Variants in EYA4 observed in about 807,000 individuals in gnomAD.
EYA4 encodes EYA transcriptional coactivator and phosphatase 4, also known as protein phosphatase EYA4.
A neutral mutation model predicts 87.9 loss-of-function variants in EYA4; 31 were observed. The observed-to-expected ratio is 0.35, with a 90% CI of 0.27 to 0.48. EYA4 has a LOEUF of 0.48. EYA4 is among the 20% of genes least tolerant of loss of function. EYA4 has a pLI of 0.99. For missense variants in EYA4, 678 were observed against 761.4 expected (o/e 0.89, Z 1.29); for synonymous variants, 263 against 270.6 (o/e 0.97, Z 0.28).
intron 1 of EYA4, among the ~76,000 whole-genome samples, chr6:133,260,009 A>G (rs537275114): frequency 8.8e-4 from 134 of 152,258 alleles, no homozygotes; most frequent in African/African-American, 2.9e-3. Flanking sequence ...GTTTCTTGTA[A>G]AAAAATTCAG....
At chr6:133,525,126 T>C in intron 18 of EYA4, 28 bp from the exon 19 acceptor site, 1 of 1,613,648 alleles carries the variant, frequency 6.2e-7, no homozygotes, top group Non-Finnish European at 8.5e-7. Flanking sequence ...GTAACTTCAC[T>C]CTGAACTTTA....
At chr6:133,368,731 G>A (rs1485814898) in intron 2 of EYA4, among the ~76,000 whole-genome samples, 1 of 152,124 alleles carries the variant, frequency 6.6e-6, no homozygotes, top group Admixed American at 6.6e-5. Flanking sequence ...TATCATAGTG[G>A]CATCAAAACC....
intron 1 of EYA4, among the ~76,000 whole-genome samples, chr6:133,262,294 C>G (rs1390324517): frequency 6.6e-6 from 1 of 152,234 alleles, no homozygotes; most frequent in Non-Finnish European, 1.5e-5. Context: ...CAAATATATT[C>G]TCTTCTGACA....
chr6:133,310,948 G>A lies in EYA4; in HGVS notation c.33+36135G>A, dbSNP rs547088078. On this transcript the variant is annotated intron_variant, in intron 2 of 19. Transcript: ENST00000355286. Reference sequence around the variant, plus strand: ...TTGTTTAGTTTCCATTTTTTAGAATGTTTCTTTTGATGATCCTGTAACTCT... The same window carrying A: ...TTGTTTAGTTTCCATTTTTTAGAATATTTCTTTTGATGATCCTGTAACTCT... Among the ~76,000 whole-genome samples the A allele has an allele frequency of 2.6e-5, 4 of 152,234 alleles. No individual in the cohort carries two copies. The East Asian group carries it at 7.7e-4, about 29-fold the overall frequency.
At chr6:133,272,004 C>T (rs958116582) in intron 1 of EYA4, among the ~76,000 whole-genome samples, 4 of 152,174 alleles carry the variant, frequency 2.6e-5, no homozygotes, top group Admixed American at 2.6e-4. Flanking sequence ...AATCTCTGAC[C>T]ATCCAGCCAA....
intron 17 of EYA4, among the ~76,000 whole-genome samples, chr6:133,518,081 G>A (rs1366889328): frequency 1.3e-5 from 2 of 152,110 alleles, no homozygotes; most frequent in East Asian, 1.9e-4. Context: ...TGTCAGGGAC[G>A]CTGGAGCACG....
chr6:133,496,647 T>C (rs1376710474), intron 13 of EYA4, among the ~76,000 whole-genome samples: 1 of 6,142 alleles, frequency 1.6e-4, no homozygotes, highest in Non-Finnish European at 3.2e-4. Context: ...AAGGGCAAAC[T>C]GACCTCTGAG....
chr6:133,443,717 C>A (rs1451016640), intron 3 of EYA4, among the ~76,000 whole-genome samples: 1 of 151,988 alleles, frequency 6.6e-6, no homozygotes, highest in East Asian at 1.9e-4. Context: ...TTGATCTTTT[C>A]ATTATCATTT....
At chr6:133,314,510 G>T (rs1780476585) in intron 2 of EYA4, among the ~76,000 whole-genome samples, 1 of 152,094 alleles carries the variant, frequency 6.6e-6, no homozygotes, top group African/African-American at 2.4e-5. Context: ...TGTAATTTGT[G>T]TGAAAACATC....
intron 3 of EYA4, among the ~76,000 whole-genome samples, chr6:133,427,160 G>A (rs190268003): frequency 1.3e-5 from 2 of 152,278 alleles, no homozygotes; most frequent in East Asian, 1.9e-4. Context: ...CGGAAGAAAA[G>A]CACTTTGAAG....
At chr6:133,351,679 C>G (rs1783651622) in intron 2 of EYA4, among the ~76,000 whole-genome samples, 1 of 152,184 alleles carries the variant, frequency 6.6e-6, no homozygotes, top group South Asian at 2.1e-4. Flanking sequence ...AACCATTTCA[C>G]TTATTTCTCT....
intron 3 of EYA4, among the ~76,000 whole-genome samples, chr6:133,421,206 A>G (rs1467194563): frequency 6.6e-6 from 1 of 152,202 alleles, no homozygotes; most frequent in Non-Finnish European, 1.5e-5. Flanking sequence ...CAAAGTGTGC[A>G]GAAAGAACCA....
intron 11 of EYA4, among the ~76,000 whole-genome samples, chr6:133,481,233 G>T (rs1562470605): frequency 6.6e-6 from 1 of 152,094 alleles, no homozygotes; most frequent in Non-Finnish European, 1.5e-5. Context: ...GAAGGCGTAT[G>T]GTGTAGAAAA....
chr6:133,326,790 A>T (rs931413844), intron 2 of EYA4, among the ~76,000 whole-genome samples: 3 of 152,160 alleles, frequency 2.0e-5, no homozygotes, highest in Non-Finnish European at 4.4e-5. Context: ...GCAGATTGCC[A>T]TCAACTGACT....
At chr6:133,287,521 T>G (rs1162894139) in intron 2 of EYA4, among the ~76,000 whole-genome samples, 1 of 148,778 alleles carries the variant, frequency 6.7e-6, no homozygotes, top group African/African-American at 2.4e-5. Flanking sequence ...GTGGGAAATC[T>G]GGCTGAGAAG....
chr6:133,332,809 G>A (rs1439015288), intron 2 of EYA4, among the ~76,000 whole-genome samples: 4 of 147,326 alleles, frequency 2.7e-5, no homozygotes, highest in East Asian at 2.0e-4. Context: ...TGATCCGCCC[G>A]CGTTGGCCTC....
At chr6:133,335,771 G>A (rs1035787991) in intron 2 of EYA4, among the ~76,000 whole-genome samples, 1 of 152,138 alleles carries the variant, frequency 6.6e-6, no homozygotes, top group African/African-American at 2.4e-5. Context: ...TTTGGGTGCA[G>A]TAAAGCTGTG....
rs77505359 is a variant in EYA4 at position 133,300,906 on chromosome 6, G to A, written c.33+26093G>A. Among the ~76,000 whole-genome samples, 31 of 152,214 alleles carry A rather than the reference G, an allele frequency of 2.0e-4. No homozygotes were observed. The East Asian group carries it at 5.6e-3, about 27-fold the overall frequency. Reference sequence around the variant, plus strand: ...CAATAGTTAGATGGTTACCACAGCTGGTCTGCTTCCCTACTGTATTCTATG... The same window carrying A: ...CAATAGTTAGATGGTTACCACAGCTAGTCTGCTTCCCTACTGTATTCTATG... On this transcript the variant is annotated intron_variant, in intron 2 of 19. Coordinates refer to ENST00000355286, the MANE Select transcript of EYA4 (RefSeq NM_004100.5).
chr6:133,268,614 C>T (rs1562226815), intron 1 of EYA4, among the ~76,000 whole-genome samples: 1 of 152,194 alleles, frequency 6.6e-6, no homozygotes, highest in Admixed American at 6.5e-5. Flanking sequence ...CAGCACTTAA[C>T]TATTTGCGTG....
Sources: allele counts gnomAD v4.1 joint callset (sites outside exome capture counted in the v4.1 genomes callset), GRCh38; gene constraint gnomAD v4.1.1; transcripts MANE v1.5; gene names NCBI Gene and HGNC (gene_info 2026-07-23, HGNC 2026-07-21).